The following GFRA2 variants were observed in gnomAD, a reference collection of about 807,000 sequenced individuals.
The protein encoded by GFRA2 is GDNF family receptor alpha 2.
A neutral mutation model predicts 48.3 loss-of-function variants in GFRA2; 17 were observed. That is an observed-to-expected ratio of 0.35 (90% CI 0.24 to 0.53). The LOEUF is 0.53. GFRA2 is among the 20% of genes least tolerant of loss of function. GFRA2 has a pLI of 0.93. For missense variants in GFRA2, 660 were observed against 637.3 expected (o/e 1.04, Z -0.38); for synonymous variants, 305 against 257.2 (o/e 1.19, Z -1.78).
rs1288467083 is a variant in GFRA2 at position 21,750,808 on chromosome 8, T to A, written c.574A>T (p.Thr192Ser). The A allele has an allele frequency of 1.2e-6, 2 of 1,613,968 alleles. No individual in the cohort carries two copies. Among genetic ancestry groups the A allele is most frequent in the Admixed American group, 3.3e-5 (2 of 60,024 alleles). The change falls in exon 4 of 9, where the codon ACC becomes TCC. Residue 192 changes from threonine (T) to serine (S), a missense_variant. By Grantham distance (58) the Thr-to-Ser change is moderately conservative (BLOSUM62 1). Coordinates refer to ENST00000524240, the MANE Select transcript of GFRA2 (RefSeq NM_001495.5). This position sits in a 1 kb window ranked among gnomAD's most constrained non-coding sequence, Gnocchi z 5.7. ...CACTTGCGGCGGTTGCAGCGCTCGG[T>A]GGGCGAGATCTCGCGGTTGCAGATG... ...ISICNREISPTERCNRRKCHK... is the reference protein window; with the variant it reads ...ISICNREISPSERCNRRKCHK...
intron 6 of GFRA2, among the ~76,000 whole-genome samples, chr8:21,704,510 A>G (rs1246412231): frequency 6.6e-6 from 1 of 152,230 alleles, no homozygotes; most frequent in Non-Finnish European, 1.5e-5. Flanking sequence ...AGAAATCTTC[A>G]GGTGGGCATG....
At chr8:21,730,681 C>A (rs948427811) in intron 4 of GFRA2, among the ~76,000 whole-genome samples, 1 of 152,150 alleles carries the variant, frequency 6.6e-6, no homozygotes, top group Non-Finnish European at 1.5e-5. Context: ...ACAGTCCACA[C>A]AAGCTCACTC....
intron 4 of GFRA2, among the ~76,000 whole-genome samples, chr8:21,709,389 C>A (rs1369752775): frequency 6.6e-6 from 1 of 152,248 alleles, no homozygotes; most frequent in Non-Finnish European, 1.5e-5. Flanking sequence ...CCAACTAGAA[C>A]ACACATTCTC....
intron 2 of GFRA2, among the ~76,000 whole-genome samples, chr8:21,804,354 A>G (rs1288119507): frequency 1.3e-5 from 2 of 152,096 alleles, no homozygotes; most frequent in Non-Finnish European, 2.9e-5. Flanking sequence ...CAAAACGGGA[A>G]TAATAGAAAT....
At chr8:21,751,263 T>C (rs1037730954) in intron 3 of GFRA2, among the ~76,000 whole-genome samples, 2 of 152,162 alleles carry the variant, frequency 1.3e-5, no homozygotes, top group African/African-American at 2.4e-5. Context: ...CAGGTGTGTA[T>C]GGCCCTGTTT....
intron 3 of GFRA2, chr8:21,769,165 G>A (rs917266802): frequency 2.0e-6 from 2 of 984,598 alleles, no homozygotes; most frequent in Non-Finnish European, 2.4e-6. Context: ...TCTTACAGCA[G>A]TGGTTGACCG....
In GFRA2 at chr8:21,717,907, C is replaced by A. The variant is rs144399001; in HGVS notation, c.795-11866G>T. On this transcript the variant is annotated intron_variant, in intron 4 of 8. Coordinates refer to ENST00000524240, the MANE Select transcript of GFRA2 (RefSeq NM_001495.5). The stretch of plus-strand genomic sequence containing the variant: ...CCTGACTTCTTCAAGAACCCCTCTA[C>A]CTAGACCCTGCACAGAACCACACCC... Among the ~76,000 whole-genome samples the A allele has an allele frequency of 5.7e-3, 861 of 152,278 alleles. 10 individuals carry two copies. The highest frequency in any genetic ancestry group is 0.019 in the African/African-American group (803 of 41,558).
At chr8:21,787,189 G>T (rs1006953261) in intron 1 of GFRA2, among the ~76,000 whole-genome samples, 2 of 145,720 alleles carry the variant, frequency 1.4e-5, no homozygotes, top group East Asian at 2.2e-4. Flanking sequence ...GAGGAGCTGG[G>T]AATTCTGTGT....
chr8:21,730,506 CCA>C (rs1047622684), intron 4 of GFRA2, among the ~76,000 whole-genome samples: 2 of 152,136 alleles, frequency 1.3e-5, no homozygotes, highest in Non-Finnish European at 2.9e-5. Context: ...CCTATCTGCA[CCA>C]CAGAGGGAGC....
intron 1 of GFRA2, 59 bp downstream of exon 1, chr8:21,788,061 G>GC: frequency 6.8e-6 from 2 of 294,734 alleles, no homozygotes; most frequent in Admixed American, 4.9e-5. Flanking sequence ...CGCTCCGCTC[G>GC]CCCCCCGCCT....
chr8:21,804,434 AAAC>A lies in GFRA2; in HGVS notation c.-36+580_-36+582del, dbSNP rs796220170. On this transcript the variant is annotated intron_variant, in intron 2 of 10. Transcript: ENST00000517328. ...CTATAAACTTCTCTGCTAAAAAAAA[AAAC>A]AAAAAAAAAACAAACTGGTGCATTA... Among the ~76,000 whole-genome samples, 9 of 83,672 alleles carry A rather than the reference AAAC, an allele frequency of 1.1e-4. No individual in the cohort carries two copies. In the East Asian group the frequency reaches 4.3e-3, roughly 40 times the overall value. The allele number at this position is 83,672 out of a possible 152,430, so 54.9% of individuals were successfully genotyped here.
At chr8:21,708,314 A>G (rs1251067630) in intron 4 of GFRA2, among the ~76,000 whole-genome samples, 3 of 152,200 alleles carry the variant, frequency 2.0e-5, no homozygotes, top group African/African-American at 7.2e-5. Flanking sequence ...AGACAACTCC[A>G]TCTTAGATGT....
chr8:21,802,106 C>T (rs2117114934), intron 2 of GFRA2, among the ~76,000 whole-genome samples: 1 of 152,344 alleles, frequency 6.6e-6, no homozygotes, highest in African/African-American at 2.4e-5. Context: ...CAGAATGTCT[C>T]ACCCTTCTCA....
chr8:21,737,941 G>C (rs775708832), intron 4 of GFRA2, among the ~76,000 whole-genome samples: 6 of 152,240 alleles, frequency 3.9e-5, no homozygotes, highest in Non-Finnish European at 8.8e-5. Flanking sequence ...CCTGTGTGCC[G>C]GGCCGGATGC....
chr8:21,716,929 C>G (rs1436548710), intron 4 of GFRA2, among the ~76,000 whole-genome samples: 3 of 152,250 alleles, frequency 2.0e-5, no homozygotes, highest in Admixed American at 6.5e-5. Flanking sequence ...TCCCCCAGCA[C>G]TAGCTGCTGC....
chr8:21,803,389 C>T (rs1807805741), intron 2 of GFRA2, among the ~76,000 whole-genome samples: 1 of 152,200 alleles, frequency 6.6e-6, no homozygotes, highest in African/African-American at 2.4e-5. Context: ...ATCAAGAGCT[C>T]TGCCACAGAG....
At chr8:21,783,767 C>T (rs1454956823) in intron 1 of GFRA2, among the ~76,000 whole-genome samples, 1 of 151,944 alleles carries the variant, frequency 6.6e-6, no homozygotes, top group Non-Finnish European at 1.5e-5. Context: ...ATCCATGCCC[C>T]CCGCGCCCCC....
At position 21,693,187 on chromosome 8, in the gene GFRA2, G is replaced by T; in HGVS notation, c.*91C>A. ...GGAAAAACAATTTTTTTTTTGCAAG[G>T]TGTGTGTGTGTCTGTGTGTGTTTCC... On this transcript the variant is annotated 3_prime_UTR_variant, in exon 9 of 9. Coordinates refer to ENST00000524240, the MANE Select transcript of GFRA2 (RefSeq NM_001495.5). 2.5e-6 allele frequency: 3 copies of T among 1,201,002 alleles called. No homozygotes were observed. The highest frequency in any genetic ancestry group is 3.4e-6 in the Non-Finnish European group (3 of 886,524). 74.4% of individuals were successfully genotyped at this position (1,201,002 alleles called of 1,614,324 possible).
At chr8:21,724,845 T>C (rs996262171) in intron 4 of GFRA2, among the ~76,000 whole-genome samples, 1 of 152,136 alleles carries the variant, frequency 6.6e-6, no homozygotes, top group Non-Finnish European at 1.5e-5. Flanking sequence ...GGGAATGGCA[T>C]CATACAGAGT....
Sources: allele counts gnomAD v4.1 joint callset (sites outside exome capture counted in the v4.1 genomes callset), GRCh38; gene constraint gnomAD v4.1.1; non-coding constraint Gnocchi (gnomAD v3.1); transcripts MANE v1.5; gene names NCBI Gene and HGNC (gene_info 2026-07-23, HGNC 2026-07-21).